Variants in ILDR2 observed in about 807,000 individuals in gnomAD.
The protein encoded by ILDR2 is immunoglobulin like domain containing receptor 2.
ILDR2 carries 25 observed loss-of-function variants against 66.8 expected under a neutral mutation model. The ratio of observed to expected loss-of-function variants is 0.37; its 90% CI spans 0.27 to 0.52. The LOEUF is 0.52. Among genes scored for constraint, ILDR2 ranks in the 20% least tolerant of loss-of-function variants. ILDR2 has a pLI of 0.88. For missense variants in ILDR2, 827 were observed against 876.8 expected (o/e 0.94, Z 0.72); for synonymous variants, 367 against 357.2 (o/e 1.03, Z -0.31).
At chr1:166,931,062 A>G (rs1660614121) in intron 6 of ILDR2, among the ~76,000 whole-genome samples, 1 of 152,206 alleles carries the variant, frequency 6.6e-6, no homozygotes, top group Non-Finnish European at 1.5e-5. Flanking sequence ...GTGGCTCTTC[A>G]TACTTCACCT....
chr1:166,936,528 G>A lies in ILDR2; in HGVS notation c.703+63C>T, dbSNP rs1660989576. 2 of 1,608,848 alleles carry A rather than the reference G, an allele frequency of 1.2e-6. No homozygotes were observed. The highest frequency in any genetic ancestry group is 1.1e-5 in the South Asian group (1 of 90,202). ...GAGGAGGAACCCAGCGCACACAGCTGTCAGGTAGAGAGGTAGACATTTCTC... is the reference window on the plus strand; with the variant it reads ...GAGGAGGAACCCAGCGCACACAGCTATCAGGTAGAGAGGTAGACATTTCTC... On this transcript the variant is annotated intron_variant, in intron 5 of 9. Transcript: ENST00000271417. The surrounding 1 kb of genome is among the most constrained non-coding windows in gnomAD (Gnocchi z 5.0).
intron 2 of ILDR2, 42 bp downstream of exon 2, chr1:166,957,727 C>A: frequency 1.3e-6 from 2 of 1,522,464 alleles, no homozygotes; most frequent in Non-Finnish European, 9.0e-7. Context: ...ATGAAACTAA[C>A]CTCCCTCCCA....
rs1228344848 is a variant in ILDR2, at chr1:166,908,396, C to G, written c.*10959G>C. 1 of 152,166 alleles carries G rather than the reference C, an allele frequency of 6.6e-6. No homozygotes were observed. Among genetic ancestry groups the G allele is most frequent in the Non-Finnish European group, 1.5e-5 (1 of 68,040 alleles). The allele number at this position is 152,166 out of a possible 1,614,324, so 9.4% of individuals were successfully genotyped here. On this transcript the variant is annotated 3_prime_UTR_variant, in exon 10 of 10. Coordinates refer to ENST00000271417, the MANE Select transcript of ILDR2 (RefSeq NM_199351.3). Reference sequence around the variant, plus strand: ...CACTAATTCCATCATAAGAGCTCCACCCTACTGACCTAATCACCTCCCAAA... The same window carrying G: ...CACTAATTCCATCATAAGAGCTCCAGCCTACTGACCTAATCACCTCCCAAA...
Position 166,921,352 on chromosome 1 carries a change from C to T in ILDR2, c.1239G>A (p.Leu413=). The change falls in exon 9 of 10, where the codon CTG becomes CTA. Residue 413 remains leucine, a synonymous_variant. Coordinates refer to ENST00000271417, the MANE Select transcript of ILDR2 (RefSeq NM_199351.3). The surrounding 1 kb of genome is among the most constrained non-coding windows in gnomAD (Gnocchi z 5.3). ...HSQPRSKSEM[L]SRKNFATGVP... is the part of the protein sequence containing the mutation. The stretch of plus-strand genomic sequence containing the variant: ...CCCCCGTGGCGAAGTTCTTCCGCGA[C>T]AGCATCTCCGACTTGGAGCGCGGCT... The T allele has an allele frequency of 6.3e-7, 1 of 1,578,634 alleles. No individual in the cohort carries two copies. The highest frequency in any genetic ancestry group is 8.6e-7 in the Non-Finnish European group (1 of 1,158,212).
At chr1:166,929,234 A>C (rs1660485405) in intron 6 of ILDR2, among the ~76,000 whole-genome samples, 1 of 152,268 alleles carries the variant, frequency 6.6e-6, no homozygotes, top group African/African-American at 2.4e-5. Flanking sequence ...AGGACAACTA[A>C]GACCAAATCA....
intron 3 of ILDR2, among the ~76,000 whole-genome samples, chr1:166,940,885 TC>T (rs1405915544): frequency 2.0e-5 from 3 of 152,310 alleles, no homozygotes; most frequent in African/African-American, 7.2e-5. Context: ...ATATTTTAAA[TC>T]TAAGGTCATG....
intron 3 of ILDR2, among the ~76,000 whole-genome samples, chr1:166,947,863 C>A (rs1661727046): frequency 6.6e-6 from 1 of 151,780 alleles, no homozygotes. Flanking sequence ...ATAAAGGCTG[C>A]GAGGAGGGGG....
intron 2 of ILDR2, among the ~76,000 whole-genome samples, chr1:166,901,660 A>T (rs1659267651): frequency 6.6e-6 from 1 of 152,184 alleles, no homozygotes; most frequent in African/African-American, 2.4e-5. Context: ...TTCTGTGATC[A>T]TTCTCTCACA....
At chr1:166,955,630 T>A (rs1200054295) in intron 3 of ILDR2, among the ~76,000 whole-genome samples, 4 of 152,076 alleles carry the variant, frequency 2.6e-5, no homozygotes, top group Non-Finnish European at 4.4e-5. Context: ...AAATAATTTT[T>A]AAAAATAAAA....
intron 9 of ILDR2, 37 bp downstream of exon 9, chr1:166,920,670 A>C (rs1659862659): frequency 1.5e-6 from 2 of 1,346,162 alleles, no homozygotes; most frequent in Admixed American, 7.9e-5. Context: ...GCTCCCGCTC[A>C]GTCCCCTCGG....
intron 3 of ILDR2, among the ~76,000 whole-genome samples, chr1:166,951,106 C>T (rs1661950751): frequency 6.6e-6 from 1 of 152,222 alleles, no homozygotes. Flanking sequence ...CTCTTTTTCA[C>T]TTTTCCCTTC....
Position 166,933,009 on chromosome 1 carries a change from T to A in ILDR2, c.880+2292A>T, listed in dbSNP as rs560521359. ...CCATGGGACCATGAGTACAGAAGCATGCCTGGTGAGGATCATGAAGAAGTC... is the reference window on the plus strand; with the variant it reads ...CCATGGGACCATGAGTACAGAAGCAAGCCTGGTGAGGATCATGAAGAAGTC... On this transcript the variant is annotated intron_variant, in intron 6 of 9. Transcript: ENST00000271417. Among the ~76,000 whole-genome samples the A allele has an allele frequency of 5.3e-5, 8 of 152,328 alleles. No homozygotes were observed. The South Asian group carries it at 1.7e-3, about 32-fold the overall frequency.
Position 166,915,276 on chromosome 1 carries a change from C to T in ILDR2, c.*4079G>A, listed in dbSNP as rs1007801525. ...TTCTGAGTGACTCACCACAGCCAGC[C>T]CCAAAGGATTGAGAGGGACCTCACC... On this transcript the variant is annotated 3_prime_UTR_variant, in exon 10 of 10. Transcript: ENST00000271417. 2 of 152,220 alleles carry T rather than the reference C, an allele frequency of 1.3e-5. No individual in the cohort carries two copies. Among genetic ancestry groups the T allele is most frequent in the African/African-American group, 4.8e-5 (2 of 41,412 alleles). 9.4% of individuals were successfully genotyped at this position (152,220 alleles called of 1,614,324 possible).
chr1:166,938,969 C>T (rs1417044494), intron 4 of ILDR2, among the ~76,000 whole-genome samples: 1 of 152,060 alleles, frequency 6.6e-6, no homozygotes, highest in Non-Finnish European at 1.5e-5. Flanking sequence ...TCCGTGGACC[C>T]ATAGGGATTC....
At chr1:166,961,247 AT>A (rs1311515127) in intron 1 of ILDR2, among the ~76,000 whole-genome samples, 2 of 152,110 alleles carry the variant, frequency 1.3e-5, no homozygotes, top group Admixed American at 1.3e-4. Flanking sequence ...AGATTTATTT[AT>A]TTTTTTAGAG....
At chr1:166,963,413 G>A (rs1454847210) in intron 1 of ILDR2, among the ~76,000 whole-genome samples, 1 of 152,114 alleles carries the variant, frequency 6.6e-6, no homozygotes, top group Non-Finnish European at 1.5e-5. Flanking sequence ...TATGTATCTT[G>A]CCTAACATTT....
rs1168627765 is a variant in ILDR2, at chr1:166,927,126, A to C, written c.935T>G (p.Leu312Arg). Residue 312 changes from leucine to arginine, a missense_variant, in exon 7 of 10, where the codon CTG becomes CGG. Leu to Arg is a moderately radical substitution (Grantham distance 102). This residue lies in a region of ILDR2 where 437 missense variants were observed against 523.2 expected (regional missense o/e 0.84). Transcript: ENST00000271417. Reference sequence around the variant, plus strand: ...AGCCAGCTCCTTCTCAACATAGTACAGGACCTTCATGGAGTCTCTCTCTTT... The same window carrying C: ...AGCCAGCTCCTTCTCAACATAGTACCGGACCTTCATGGAGTCTCTCTCTTT... ...ADKERDSMKV[L>R]YYVEKELAQF... 6.2e-7 allele frequency: 1 copy of C among 1,613,766 alleles called. No individual in the cohort carries two copies. The highest frequency in any genetic ancestry group is 8.5e-7 in the Non-Finnish European group (1 of 1,179,906).
rs1162900937 is a variant in ILDR2, at chr1:166,939,517, G to A, written c.553C>T (p.Pro185Ser). The change falls in exon 4 of 10, where the codon CCA (proline) becomes TCA (serine). Residue 185 changes from proline to serine, a missense_variant. Transcript: ENST00000271417. ...AAAGAGTTAAATGACCGAATACCTG[G>A]CATAATCTCCACAGCAAAACTGGGC... The part of the protein sequence containing the change: ...LLPSFAVEIM[P>S]EWVFVGLVLL... 6.2e-7 allele frequency: 1 copy of A among 1,612,820 alleles called. No homozygotes were observed. Among genetic ancestry groups the A allele is most frequent in the Admixed American group, 1.7e-5 (1 of 60,008 alleles).
Position 166,913,482 on chromosome 1 carries a change from A to C in ILDR2, c.*5873T>G, listed in dbSNP as rs1241765320. The C allele has an allele frequency of 6.6e-6, 1 of 152,190 alleles. No homozygotes were observed. The highest frequency in any genetic ancestry group is 1.9e-4 in the East Asian group (1 of 5,192). 9.4% of individuals were successfully genotyped at this position (152,190 alleles called of 1,614,324 possible). On this transcript the variant is annotated 3_prime_UTR_variant, in exon 10 of 10. Transcript: ENST00000271417. Reference sequence around the variant, plus strand: ...ATAAAATGGCTTTTCCTTAAAGCCAAGGTAAAAGAGAAGCTATCTGTGTCT... The same window carrying C: ...ATAAAATGGCTTTTCCTTAAAGCCACGGTAAAAGAGAAGCTATCTGTGTCT...
Sources: gnomAD v4.1 joint callset for allele counts (sites outside exome capture counted in the v4.1 genomes callset) on GRCh38, gnomAD v4.1.1 for gene constraint, gnomAD v4.1.1 regional missense constraint, Gnocchi (gnomAD v3.1) non-coding constraint, MANE v1.5 for transcripts, NCBI Gene and HGNC (gene_info 2026-07-23, HGNC 2026-07-21) for gene names.